TANC2: variants seen among roughly 807,000 people sequenced by gnomAD.
TANC2 encodes the protein protein TANC2.
A neutral mutation model predicts 210.5 loss-of-function variants in TANC2; 26 were observed. The observed-to-expected ratio is 0.12, with a 90% confidence interval of 0.09 to 0.17. The LOEUF (loss-of-function observed/expected upper bound fraction) is 0.17, where lower values mean the gene tolerates loss of function less well. Among genes scored for constraint, TANC2 ranks in the 10% least tolerant of loss-of-function variants. The pLI, the probability that TANC2 is intolerant of heterozygous loss-of-function variation, is 1.00. For synonymous variants in TANC2, 931 were observed against 967.1 expected (o/e 0.96, Z 0.69); for missense variants, 2,129 against 2,608.9 (o/e 0.82, Z 4.01).
intron 14 of TANC2, among the ~76,000 whole-genome samples, chr17:63,361,653 C>T (rs561139670): frequency 6.6e-6 from 1 of 152,346 alleles, no homozygotes; most frequent in South Asian, 2.1e-4. Flanking sequence ...CTGGGCTCCT[C>T]AAAGAACTGC....
chr17:63,341,892 T>C (rs1447577580), intron 12 of TANC2, among the ~76,000 whole-genome samples: 1 of 152,244 alleles, frequency 6.6e-6, no homozygotes, highest in African/African-American at 2.4e-5. Flanking sequence ...CTTTTCAGCC[T>C]TATTATTCAC....
chr17:63,219,442 A>T (rs1201399626), intron 7 of TANC2, among the ~76,000 whole-genome samples: 1 of 151,646 alleles, frequency 6.6e-6, no homozygotes, highest in African/African-American at 2.4e-5. Context: ...CCCTAAGAAA[A>T]AGTTTTTCAA....
intron 15 of TANC2, chr17:63,381,106 C>T (rs2047593856): frequency 6.6e-6 from 1 of 152,222 alleles, no homozygotes; most frequent in Admixed American, 6.5e-5. Flanking sequence ...AAAAATGAAG[C>T]TAATCCCTGC....
chr17:63,263,144 T>C (rs560978553), intron 8 of TANC2, among the ~76,000 whole-genome samples: 109 of 152,304 alleles, frequency 7.2e-4, no homozygotes, highest in African/African-American at 2.5e-3. Flanking sequence ...TTTAATCGGC[T>C]CTTATCATAG....
At chr17:63,386,863 G>T (rs1039878467) in intron 15 of TANC2, among the ~76,000 whole-genome samples, 8 of 151,406 alleles carry the variant, frequency 5.3e-5, no homozygotes, top group South Asian at 4.2e-4. Context: ...TTGTTTTTTG[G>T]TTTTTTTGAG....
intron 9 of TANC2, among the ~76,000 whole-genome samples, chr17:63,288,689 TA>T (rs2044295724): frequency 6.6e-6 from 1 of 152,194 alleles, no homozygotes; most frequent in African/African-American, 2.4e-5. Context: ...TATCATTATG[TA>T]ATACCCCTCC....
chr17:63,358,376 A>AGAGTGTGTGTGTGTGTGTGTGT (rs1470682571), intron 14 of TANC2, among the ~76,000 whole-genome samples: 1 of 80,940 alleles, frequency 1.2e-5, no homozygotes, highest in African/African-American at 3.7e-5. Context: ...AGAGAGAGAG[A>AGAGTGTGTGTGTGTGTGTGTGT]GTATGTGTGT....
chr17:63,260,168 CAGGATA>C (rs2043314973), intron 8 of TANC2, among the ~76,000 whole-genome samples: 1 of 152,188 alleles, frequency 6.6e-6, no homozygotes, highest in South Asian at 2.1e-4. Context: ...TACTGAGAGT[CAGGATA>C]CCTGGCTTCA....
chr17:63,196,612 AT>A (rs1439522065), intron 6 of TANC2, among the ~76,000 whole-genome samples: 3 of 152,224 alleles, frequency 2.0e-5, no homozygotes, highest in Non-Finnish European at 4.4e-5. Flanking sequence ...CATTGATTTA[AT>A]TAAAGCAATA....
In TANC2 at chr17:63,051,692, T is replaced by C. The variant is rs188220654; in HGVS notation, c.68-22251T>C. On this transcript the variant is annotated intron_variant, in intron 2 of 27. Transcript: ENST00000689528. ...AAAGTGATGCATGTATAGTAGAAAC[T>C]GTACTTTGAGTACCCATACAACCAT... 1.6e-3 allele frequency among the ~76,000 whole-genome samples: 246 copies of C among 152,312 alleles called. 1 individual carries two copies. In the South Asian group the frequency reaches 0.017, roughly 11 times the overall value.
intron 2 of TANC2, among the ~76,000 whole-genome samples, chr17:63,047,014 G>C (rs2035409879): frequency 1.3e-5 from 2 of 152,060 alleles, no homozygotes; most frequent in Non-Finnish European, 2.9e-5. Flanking sequence ...TCTCTATATA[G>C]GGAGTAAGAG....
At chr17:63,355,145 G>A (rs377236602) in exon 14 of TANC2, 2 of 1,613,858 alleles carry the variant, frequency 1.2e-6, no homozygotes, top group East Asian at 2.2e-5. Context: ...ACCGGGTGAT[G>A]CCTCTCCTGA....
chr17:63,070,634 C>T (rs1356702954), intron 2 of TANC2, among the ~76,000 whole-genome samples: 1 of 151,804 alleles, frequency 6.6e-6, no homozygotes. Context: ...TTGTAGGGCC[C>T]ATAATCTAAG....
At chr17:63,392,211 G>A (rs1420232370) in intron 17 of TANC2, among the ~76,000 whole-genome samples, 2 of 152,092 alleles carry the variant, frequency 1.3e-5, no homozygotes, top group African/African-American at 4.8e-5. Context: ...CTACATTTTG[G>A]TGACTCTTAA....
At chr17:63,361,941 A>T (rs967756437) in intron 14 of TANC2, among the ~76,000 whole-genome samples, 2 of 152,348 alleles carry the variant, frequency 1.3e-5, no homozygotes, top group African/African-American at 4.8e-5. Context: ...AGTAGCTCCT[A>T]TGCACAGGCA....
At chr17:63,290,138 CCTT>C (rs141290783) in intron 9 of TANC2, among the ~76,000 whole-genome samples, 22,700 of 152,058 alleles carry the variant, frequency 0.15, 1,999 homozygotes, top group Middle Eastern at 0.21. Flanking sequence ...TTACTTTTCC[CCTT>C]CTTCTGCTAG....
chr17:63,221,605 C>T (rs960086027), intron 7 of TANC2, among the ~76,000 whole-genome samples: 7 of 151,922 alleles, frequency 4.6e-5, no homozygotes, highest in Non-Finnish European at 1.0e-4. Flanking sequence ...AATGAGCAAG[C>T]GATTTGAACA....
intron 9 of TANC2, among the ~76,000 whole-genome samples, chr17:63,280,473 G>T (rs1016105451): frequency 2.0e-5 from 3 of 151,966 alleles, no homozygotes; most frequent in Admixed American, 1.3e-4. Flanking sequence ...GAGGATGTCT[G>T]CTAATAGTGA....
At chr17:63,089,581 A>G (rs1247579552) in intron 3 of TANC2, among the ~76,000 whole-genome samples, 2 of 152,128 alleles carry the variant, frequency 1.3e-5, no homozygotes, top group Non-Finnish European at 2.9e-5. Flanking sequence ...GATTGACTGT[A>G]TGATCTTTAA....
Sources: gnomAD v4.1 joint callset for allele counts (sites outside exome capture counted in the v4.1 genomes callset) on GRCh38, gnomAD v4.1.1 for gene constraint, MANE v1.5 for transcripts, NCBI Gene and HGNC (gene_info 2026-07-23, HGNC 2026-07-21) for gene names.